Variants in GRM5 observed in about 807,000 individuals in gnomAD.
GRM5 encodes metabotropic glutamate receptor 5.
Under a neutral mutation model 83.1 loss-of-function variants are expected in GRM5, and 19 were observed. That is an observed-to-expected ratio of 0.23 (90% CI 0.16 to 0.34). The LOEUF is 0.34. Ranked by LOEUF, GRM5 falls within the 10% of genes least tolerant of loss-of-function variation. The pLI is 1.00. For synonymous variants in GRM5, 675 were observed against 633.6 expected (o/e 1.07, Z -0.98); for missense variants, 1,160 against 1,588.3 (o/e 0.73, Z 4.58).
intron 3 of GRM5, among the ~76,000 whole-genome samples, chr11:88,696,498 A>T (rs749956415): frequency 5.9e-5 from 9 of 152,138 alleles, no homozygotes; most frequent in Non-Finnish European, 1.3e-4. Context: ...GTTAAGAATG[A>T]CATGTGATTT....
intron 3 of GRM5, among the ~76,000 whole-genome samples, chr11:88,743,764 A>G (rs1431273539): frequency 6.6e-6 from 1 of 152,110 alleles, no homozygotes; most frequent in East Asian, 1.9e-4. Flanking sequence ...GAAACCTAAT[A>G]ACAATTTTCC....
chr11:88,685,782 G>C (rs1940607505), intron 3 of GRM5, among the ~76,000 whole-genome samples: 1 of 152,242 alleles, frequency 6.6e-6, no homozygotes, highest in Non-Finnish European at 1.5e-5. Context: ...CTTCCATGTG[G>C]TGTTGAGACT....
intron 4 of GRM5, among the ~76,000 whole-genome samples, chr11:88,616,659 A>C (rs1938494778): frequency 6.6e-6 from 1 of 152,190 alleles, no homozygotes; most frequent in Non-Finnish European, 1.5e-5. Flanking sequence ...CCAAGTATTC[A>C]GTTAAGTAAG....
At chr11:89,042,313 A>T (rs1406118910) in intron 2 of GRM5, among the ~76,000 whole-genome samples, 2 of 152,202 alleles carry the variant, frequency 1.3e-5, no homozygotes, top group African/African-American at 4.8e-5. Flanking sequence ...GAAAAATGGC[A>T]AAAAGGAACC....
intron 2 of GRM5, among the ~76,000 whole-genome samples, chr11:88,963,016 G>A (rs1301297133): frequency 3.9e-5 from 6 of 152,196 alleles, no homozygotes; most frequent in Non-Finnish European, 8.8e-5. Context: ...TTGAACCCAG[G>A]AGGCAGAGGT....
At chr11:88,699,701 G>A (rs1284318268) in intron 3 of GRM5, among the ~76,000 whole-genome samples, 1 of 152,214 alleles carries the variant, frequency 6.6e-6, no homozygotes, top group Non-Finnish European at 1.5e-5. Flanking sequence ...TGTGATACAT[G>A]TGGATCAAGC....
chr11:88,608,014 C>T (rs906650553), intron 4 of GRM5, among the ~76,000 whole-genome samples: 4 of 152,156 alleles, frequency 2.6e-5, no homozygotes, highest in African/African-American at 4.8e-5. Context: ...AGTCATGTGA[C>T]CCCAGGATAT....
intron 3 of GRM5, among the ~76,000 whole-genome samples, chr11:88,785,054 C>G (rs1257891138): frequency 6.6e-6 from 1 of 151,978 alleles, no homozygotes; most frequent in Non-Finnish European, 1.5e-5. Flanking sequence ...ACACTAAAAC[C>G]GCAGGACATT....
chr11:88,664,935 G>A (rs1042903037), intron 3 of GRM5, among the ~76,000 whole-genome samples: 1 of 152,158 alleles, frequency 6.6e-6, no homozygotes, highest in Non-Finnish European at 1.5e-5. Context: ...AAGACTATAT[G>A]TATGAAACTG....
chr11:88,649,913 T>C (rs1287114900), intron 4 of GRM5, among the ~76,000 whole-genome samples: 1 of 151,768 alleles, frequency 6.6e-6, no homozygotes, highest in Non-Finnish European at 1.5e-5. Flanking sequence ...TGATCACCTA[T>C]GATAATCATA....
chr11:88,878,741 A>G (rs1362720535), intron 2 of GRM5, among the ~76,000 whole-genome samples: 1 of 152,190 alleles, frequency 6.6e-6, no homozygotes, highest in Non-Finnish European at 1.5e-5. Flanking sequence ...ATACAATGGA[A>G]TACTCATCAT....
At chr11:88,876,923 A>G (rs1177459279) in intron 2 of GRM5, among the ~76,000 whole-genome samples, 1 of 152,108 alleles carries the variant, frequency 6.6e-6, no homozygotes, top group African/African-American at 2.4e-5. Flanking sequence ...GACAGCATGG[A>G]TGAAACTGGA....
intron 2 of GRM5, among the ~76,000 whole-genome samples, chr11:88,967,819 G>A (rs1939032348): frequency 6.6e-6 from 1 of 152,066 alleles, no homozygotes; most frequent in African/African-American, 2.4e-5. Context: ...GAGGCACAGA[G>A]AAAAGGCAGC....
intron 7 of GRM5, among the ~76,000 whole-genome samples, chr11:88,576,288 G>A (rs1178495872): frequency 6.6e-6 from 1 of 152,060 alleles, no homozygotes; most frequent in African/African-American, 2.4e-5. Context: ...CCTCTCATGT[G>A]GTCAAATGGC....
intron 4 of GRM5, among the ~76,000 whole-genome samples, chr11:88,617,584 C>T (rs375007975): frequency 5.9e-5 from 9 of 152,168 alleles, no homozygotes; most frequent in African/African-American, 2.2e-4. Context: ...TTTTCCTTTT[C>T]TTCTAGCTAA....
At chr11:88,603,934 C>T (rs1338574009) in intron 5 of GRM5, among the ~76,000 whole-genome samples, 1 of 152,150 alleles carries the variant, frequency 6.6e-6, no homozygotes, top group Non-Finnish European at 1.5e-5. Flanking sequence ...CCAAAGGACC[C>T]TATTGTTTTG....
At chr11:88,772,384 T>A (rs970575241) in intron 3 of GRM5, among the ~76,000 whole-genome samples, 2 of 152,080 alleles carry the variant, frequency 1.3e-5, no homozygotes, top group African/African-American at 4.8e-5. Context: ...TGAAAACTCT[T>A]TTAAATATCA....
At chr11:89,037,627 A>G (rs1171454065) in intron 2 of GRM5, among the ~76,000 whole-genome samples, 1 of 152,128 alleles carries the variant, frequency 6.6e-6, no homozygotes, top group African/African-American at 2.4e-5. Flanking sequence ...TAATTTCCTT[A>G]TTATCAAATT....
At chr11:88,549,470 G>A (rs1027528917) in intron 8 of GRM5, among the ~76,000 whole-genome samples, 12 of 149,346 alleles carry the variant, frequency 8.0e-5, no homozygotes, top group Non-Finnish European at 1.2e-4. Context: ...CAAACAAAAC[G>A]AAACAAACCA....
Sources: allele counts gnomAD v4.1 joint callset (sites outside exome capture counted in the v4.1 genomes callset), GRCh38; gene constraint gnomAD v4.1.1; transcripts MANE v1.5; gene names NCBI Gene and HGNC (gene_info 2026-07-23, HGNC 2026-07-21).